The following NRG1 variants were observed in gnomAD, a reference collection of about 807,000 sequenced individuals.
The protein encoded by NRG1 is neuregulin 1.
NRG1 carries 18 observed loss-of-function variants against 63.8 expected under a neutral mutation model. That is an observed-to-expected ratio of 0.28 (90% CI 0.19 to 0.42). The LOEUF (loss-of-function observed/expected upper bound fraction) is 0.42, where lower values mean the gene tolerates loss of function less well. Among genes scored for constraint, NRG1 ranks in the 10% least tolerant of loss-of-function variants. NRG1 has a pLI of 1.00. For missense variants in NRG1, 762 were observed against 814.7 expected (o/e 0.94, Z 0.79); for synonymous variants, 302 against 301.3 (o/e 1.00, Z -0.02).
chr8:32,381,936 G>A (rs4282523), intron 1 of NRG1, among the ~76,000 whole-genome samples: 10,315 of 152,122 alleles, frequency 0.068, 406 homozygotes, highest in Middle Eastern at 0.092. Flanking sequence ...ACATCTAAAA[G>A]TGAAAAGCAT....
rs117430651 is a variant in NRG1 at position 31,762,424 on chromosome 8, T to G, written c.37+122993T>G. Reference sequence around the variant, plus strand: ...TATTCCATGGTGTATGTGTGTCACATTTCCTTTATCCAGTCTGTCACTGAT... The same window carrying G: ...TATTCCATGGTGTATGTGTGTCACAGTTCCTTTATCCAGTCTGTCACTGAT... On this transcript the variant is annotated intron_variant, in intron 1 of 10. Transcript: ENST00000519301. Among the ~76,000 whole-genome samples the G allele has an allele frequency of 3.8e-3, 585 of 152,358 alleles. 1 individual carries two copies. Among genetic ancestry groups the G allele is most frequent in the Middle Eastern group, 0.02 (6 of 294 alleles).
At chr8:31,901,040 T>C (rs920797447) in intron 1 of NRG1, among the ~76,000 whole-genome samples, 9 of 152,230 alleles carry the variant, frequency 5.9e-5, no homozygotes, top group African/African-American at 1.9e-4. Flanking sequence ...AAATATTTTC[T>C]ACTGGAAAGG....
chr8:32,037,110 AG>A (rs1240146863), intron 1 of NRG1, among the ~76,000 whole-genome samples: 11 of 152,096 alleles, frequency 7.2e-5, no homozygotes, highest in Non-Finnish European at 1.5e-5. Flanking sequence ...CCTTTGGATG[AG>A]GTTTTTATGG....
intron 1 of NRG1, among the ~76,000 whole-genome samples, chr8:32,417,397 T>C (rs1263931265): frequency 2.0e-5 from 3 of 152,166 alleles, no homozygotes; most frequent in Non-Finnish European, 4.4e-5. Context: ...AGGGAGCATC[T>C]AAATGGACTG....
downstream of NRG1, among the ~76,000 whole-genome samples, chr8:32,772,067 A>G (rs1214817052): frequency 3.2e-4 from 2 of 6,192 alleles, 1 homozygote; most frequent in African/African-American, 9.1e-4. Context: ...ATATATATAT[A>G]TATATATATA....
chr8:32,760,164 C>T (rs370653878), intron 10 of NRG1, 36 bp from the exon 11 acceptor site: 81 of 1,609,022 alleles, frequency 5.0e-5, no homozygotes, highest in Non-Finnish European at 6.3e-5. Context: ...AATTTTTGCA[C>T]GAAATATCTG....
intron 1 of NRG1, among the ~76,000 whole-genome samples, chr8:32,489,609 C>A (rs1230426549): frequency 2.6e-5 from 4 of 151,914 alleles, no homozygotes; most frequent in South Asian, 4.2e-4. Flanking sequence ...GGTGAAGGAC[C>A]CAGAGTTTGT....
chr8:32,546,148 T>C (rs1459416905), upstream of NRG1, among the ~76,000 whole-genome samples: 2 of 152,192 alleles, frequency 1.3e-5, no homozygotes, highest in Non-Finnish European at 2.9e-5. Flanking sequence ...TTCAGGTTCA[T>C]TCAAATGAAA....
intron 1 of NRG1, among the ~76,000 whole-genome samples, chr8:32,179,662 C>T (rs894761182): frequency 1.5e-4 from 23 of 152,128 alleles, no homozygotes; most frequent in Admixed American, 6.5e-5. Context: ...TTACCAAGTT[C>T]CAGCTGAACA....
intron 1 of NRG1, among the ~76,000 whole-genome samples, chr8:31,809,491 G>A (rs181836960): frequency 6.7e-5 from 10 of 149,938 alleles, no homozygotes; most frequent in Admixed American, 6.0e-4. Context: ...TGCTCTCCAG[G>A]CCATCATGTG....
chr8:32,428,957 A>G (rs1303841091), intron 1 of NRG1, among the ~76,000 whole-genome samples: 1 of 152,128 alleles, frequency 6.6e-6, no homozygotes, highest in Non-Finnish European at 1.5e-5. Context: ...TTCAGTCCAC[A>G]TTGGAAAGCA....
At position 32,302,516 on chromosome 8, in the gene NRG1, T is replaced by C. The variant is rs574264904; in HGVS notation, c.38-293312T>C. ...TATTGCCACAGTGGTTTTATTTTTA[T>C]TGTGTGATGTAACCATATGCCAATT... On this transcript the variant is annotated intron_variant, in intron 1 of 10. Coordinates refer to the NRG1 transcript ENST00000519301. 7.5e-4 allele frequency among the ~76,000 whole-genome samples: 114 copies of C among 151,912 alleles called. 1 individual carries two copies. Among genetic ancestry groups the C allele is most frequent in the East Asian group, 4.1e-3 (21 of 5,138 alleles).
chr8:32,680,850 ATTT>A, intron 5 of NRG1, among the ~76,000 whole-genome samples: 1 of 152,198 alleles, frequency 6.6e-6, no homozygotes, highest in African/African-American at 2.4e-5. Flanking sequence ...CATCCAGTAT[ATTT>A]AGTGAATGAA....
rs367706818 is a variant in NRG1 at position 32,556,837 on chromosome 8, A to G, written c.100+8011A>G. Among the ~76,000 whole-genome samples the G allele has an allele frequency of 2.1e-4, 32 of 152,350 alleles. No homozygotes were observed. The East Asian group carries it at 2.5e-3, about 12-fold the overall frequency. On this transcript the variant is annotated intron_variant, in intron 1 of 11. Transcript: ENST00000356819. ...ACATTGCATTTTTAAAGGATAGCACAGTCTCTTTAGCAATCCCACAGGGAA... is the reference window on the plus strand; with the variant it reads ...ACATTGCATTTTTAAAGGATAGCACGGTCTCTTTAGCAATCCCACAGGGAA...
intron 1 of NRG1, among the ~76,000 whole-genome samples, chr8:32,294,870 T>G (rs892668534): frequency 1.3e-5 from 2 of 152,176 alleles, no homozygotes; most frequent in African/African-American, 4.8e-5. Context: ...ATAACAAGAC[T>G]AAGAACTAAA....
At chr8:32,240,203 T>A (rs76038144) in intron 1 of NRG1, among the ~76,000 whole-genome samples, 1 of 152,086 alleles carries the variant, frequency 6.6e-6, no homozygotes, top group Non-Finnish European at 1.5e-5. Flanking sequence ...AGCTATACTA[T>A]GACATACTAT....
intron 1 of NRG1, among the ~76,000 whole-genome samples, chr8:32,449,551 C>G (rs1225351092): frequency 6.6e-6 from 1 of 152,120 alleles, no homozygotes; most frequent in Non-Finnish European, 1.5e-5. Context: ...TGGACCTAAG[C>G]ATAGGAAAAT....
chr8:31,963,887 A>G (rs748472837), intron 1 of NRG1, among the ~76,000 whole-genome samples: 18 of 152,152 alleles, frequency 1.2e-4, no homozygotes, highest in Non-Finnish European at 2.2e-4. Context: ...TAATAGGTGA[A>G]TTGTCTGAGG....
At chr8:32,635,683 T>C (rs561160744) in intron 5 of NRG1, among the ~76,000 whole-genome samples, 3 of 152,332 alleles carry the variant, frequency 2.0e-5, no homozygotes, top group East Asian at 3.9e-4. Context: ...TACATTGTCA[T>C]TGCAGTTTTT....
Sources: allele counts gnomAD v4.1 joint callset (sites outside exome capture counted in the v4.1 genomes callset), GRCh38; gene constraint gnomAD v4.1.1; transcripts MANE v1.5; gene names NCBI Gene and HGNC (gene_info 2026-07-23, HGNC 2026-07-21).